Variants in DTNA observed in about 807,000 individuals in gnomAD.
The protein encoded by DTNA is dystrobrevin alpha, also known as dystrophin-related protein 3.
DTNA carries 43 observed loss-of-function variants against 100.7 expected under a neutral mutation model. That is an observed-to-expected ratio of 0.43 (90% CI 0.33 to 0.55). DTNA has a LOEUF of 0.55. Among genes scored for constraint, DTNA ranks in the 20% least tolerant of loss-of-function variants. DTNA has a pLI of 0.04. For synonymous variants in DTNA, 349 were observed against 347.9 expected (o/e 1.00, Z -0.04); for missense variants, 798 against 953.9 (o/e 0.84, Z 2.15).
intron 1 of DTNA, among the ~76,000 whole-genome samples, chr18:34,520,666 AATAATAAT>A (rs2042071005): frequency 1.3e-5 from 2 of 152,064 alleles, no homozygotes; most frequent in African/African-American, 4.8e-5. Context: ...AAAAAAAAAT[AATAATAAT>A]AAAAAATAAA....
intron 1 of DTNA, among the ~76,000 whole-genome samples, chr18:34,660,867 T>A (rs1464602733): frequency 6.6e-6 from 1 of 152,100 alleles, no homozygotes; most frequent in Admixed American, 6.5e-5. Context: ...CCAGTGTACA[T>A]CTTACATGTA....
intron 1 of DTNA, among the ~76,000 whole-genome samples, chr18:34,599,344 C>A (rs2051296673): frequency 6.6e-6 from 1 of 152,158 alleles, no homozygotes; most frequent in Non-Finnish European, 1.5e-5. Flanking sequence ...TAAAAGAACT[C>A]TAAACTAGCT....
intron 1 of DTNA, among the ~76,000 whole-genome samples, chr18:34,628,499 T>C (rs914419508): frequency 3.3e-5 from 5 of 152,230 alleles, no homozygotes; most frequent in African/African-American, 9.6e-5. Context: ...GGCCTGTACT[T>C]ACACAATGTT....
chr18:34,652,789 G>A (rs1040986949), intron 1 of DTNA, among the ~76,000 whole-genome samples: 1 of 152,052 alleles, frequency 6.6e-6, no homozygotes, highest in African/African-American at 2.4e-5. Flanking sequence ...AGCAGTTAAC[G>A]TGAATCCGAA....
chr18:34,613,522 G>T (rs2054634762), intron 1 of DTNA, among the ~76,000 whole-genome samples: 1 of 152,196 alleles, frequency 6.6e-6, no homozygotes, highest in African/African-American at 2.4e-5. Flanking sequence ...GTTCTTGAAG[G>T]AAATTAAAAG....
At chr18:34,600,753 C>T (rs2051626923) in intron 1 of DTNA, among the ~76,000 whole-genome samples, 1 of 152,194 alleles carries the variant, frequency 6.6e-6, no homozygotes, top group Non-Finnish European at 1.5e-5. Flanking sequence ...AAGATGTAGA[C>T]ATATGAAGTG....
Position 34,651,725 on chromosome 18 carries a change from C to T in DTNA, c.-1-104251C>T, listed in dbSNP as rs543388616. On this transcript the variant is annotated intron_variant, in intron 1 of 19. Coordinates refer to the DTNA transcript ENST00000283365. Reference sequence around the variant, plus strand: ...GGGAGAACACAGAAGGGGAAGCTAACCTAATACAGGGACCACTGTGGTTTC... The same window carrying T: ...GGGAGAACACAGAAGGGGAAGCTAATCTAATACAGGGACCACTGTGGTTTC... Among the ~76,000 whole-genome samples the T allele has an allele frequency of 7.9e-5, 12 of 152,220 alleles. 1 individual carries two copies. In the South Asian group the frequency reaches 2.5e-3, roughly 32 times the overall value.
chr18:34,511,076 A>G (rs2041035726), intron 1 of DTNA, among the ~76,000 whole-genome samples: 1 of 152,102 alleles, frequency 6.6e-6, no homozygotes, highest in Non-Finnish European at 1.5e-5. Flanking sequence ...AAGCCACATT[A>G]AGCTTATAGA....
In DTNA at chr18:34,682,802, G is replaced by A. The variant is rs148570472; in HGVS notation, c.-1-73174G>A. Among the ~76,000 whole-genome samples, 106 of 151,162 alleles carry A rather than the reference G, an allele frequency of 7.0e-4. No individual in the cohort carries two copies. In the East Asian group the frequency reaches 0.018, roughly 26 times the overall value. ...AATAATTTCTCTTATTTCTGTCTTC[G>A]CTTGTCATTCTCTTCAAGGTTTGTT... On this transcript the variant is annotated intron_variant, in intron 1 of 19. Transcript: ENST00000283365.
chr18:34,595,683 T>C (rs2050449800), intron 1 of DTNA, among the ~76,000 whole-genome samples: 1 of 152,248 alleles, frequency 6.6e-6, no homozygotes, highest in African/African-American at 2.4e-5. Context: ...TCTTGGTTGC[T>C]TGGATATCTT....
chr18:34,646,815 A>T (rs538985109), intron 1 of DTNA, among the ~76,000 whole-genome samples: 1 of 152,150 alleles, frequency 6.6e-6, no homozygotes, highest in South Asian at 2.1e-4. Context: ...TCCCGGATTC[A>T]AGCAATTCTC....
At chr18:34,498,387 C>T (rs1280441410) in intron 1 of DTNA, among the ~76,000 whole-genome samples, 1 of 150,660 alleles carries the variant, frequency 6.6e-6, no homozygotes, top group African/African-American at 2.4e-5. Context: ...GAGCCGAGAT[C>T]GCGCCACTGT....
At chr18:34,816,940 C>T (rs2095609922) in intron 7 of DTNA, among the ~76,000 whole-genome samples, 1 of 152,056 alleles carries the variant, frequency 6.6e-6, no homozygotes. Flanking sequence ...TATTTTTTTG[C>T]AATCACTAAC....
At chr18:34,753,404 A>C in intron 1 of DTNA, among the ~76,000 whole-genome samples, 1 of 111,208 alleles carries the variant, frequency 9.0e-6, no homozygotes, top group Non-Finnish European at 1.7e-5. Context: ...TTTTTTTGAG[A>C]CGGAGTCTCG....
intron 11 of DTNA, among the ~76,000 whole-genome samples, chr18:34,834,733 C>T (rs1314105437): frequency 1.3e-5 from 2 of 152,138 alleles, no homozygotes; most frequent in Non-Finnish European, 2.9e-5. Context: ...AGTGAGACCT[C>T]ACTCATTGCT....
chr18:34,727,722 C>T (rs1483860547), intron 1 of DTNA, among the ~76,000 whole-genome samples: 2 of 152,080 alleles, frequency 1.3e-5, no homozygotes, highest in African/African-American at 4.8e-5. Context: ...GTGCCACCTT[C>T]CCTGGCTAAT....
intron 9 of DTNA, 52 bp from the exon 10 acceptor site, chr18:34,827,541 T>G: frequency 6.4e-7 from 1 of 1,571,364 alleles, no homozygotes; most frequent in Non-Finnish European, 8.8e-7. Flanking sequence ...GAGTTTTAAA[T>G]TTGTGACTTT....
At position 34,619,517 on chromosome 18, in the gene DTNA, A is replaced by C. The variant is rs78157466; in HGVS notation, c.-2+126003A>C. On this transcript the variant is annotated intron_variant, in intron 1 of 19. Transcript: ENST00000283365. ...TCAATGAGATAGGAAAGGGAGGAGAAATTTAAGAGATACTTCATAAATAGA... is the reference window on the plus strand; with the variant it reads ...TCAATGAGATAGGAAAGGGAGGAGACATTTAAGAGATACTTCATAAATAGA... 5.0e-3 allele frequency among the ~76,000 whole-genome samples: 763 copies of C among 152,316 alleles called. 6 individuals are homozygous for C. Among genetic ancestry groups the C allele is most frequent in the African/African-American group, 0.017 (714 of 41,572 alleles).
chr18:34,502,652 T>C (rs544721444), intron 1 of DTNA, among the ~76,000 whole-genome samples: 11 of 152,378 alleles, frequency 7.2e-5, no homozygotes, highest in Admixed American at 5.9e-4. Context: ...AATTTTTAAA[T>C]GTTTGAAGAT....
Sources: allele counts gnomAD v4.1 joint callset (sites outside exome capture counted in the v4.1 genomes callset), GRCh38; gene constraint gnomAD v4.1.1; transcripts MANE v1.5; gene names NCBI Gene and HGNC (gene_info 2026-07-23, HGNC 2026-07-21).